Variants in PCDHA5 observed in about 807,000 individuals in gnomAD.
The protein encoded by PCDHA5 is protocadherin alpha 5, also known as protocadherin alpha-5.
In PCDHA5, 43 loss-of-function variants were observed where a neutral mutation model predicts 61.6. The ratio of observed to expected loss-of-function variants is 0.70; its 90% CI spans 0.55 to 0.90. The LOEUF (loss-of-function observed/expected upper bound fraction) is 0.90, where lower values mean the gene tolerates loss of function less well. Ranked by LOEUF, PCDHA5 falls within the 40% of genes least tolerant of loss-of-function variation. PCDHA5 has a pLI of 0.00. For missense variants in PCDHA5, 1,298 were observed against 1,222.7 expected, an observed-to-expected ratio of 1.06 and a Z score of -0.92; for synonymous variants, 627 against 543.9, an observed-to-expected ratio of 1.15 and a Z score of -2.13.
chr5:140,850,520 G>A (rs2150487404), intron 1 of PCDHA5: 1 of 1,598,300 alleles, frequency 6.3e-7, no homozygotes, highest in South Asian at 1.1e-5. Context: ...GCGGCCAGGC[G>A]CCAAAGTCAT....
At chr5:140,883,904 G>C in intron 1 of PCDHA5, 1 of 1,613,344 alleles carries the variant, frequency 6.2e-7, no homozygotes, top group Non-Finnish European at 8.5e-7. Context: ...GCCGCCTCTG[G>C]GCAGCAACGT....
chr5:140,891,568 A>G (rs1448026659), intron 1 of PCDHA5, among the ~76,000 whole-genome samples: 1 of 151,646 alleles, frequency 6.6e-6, no homozygotes, highest in Non-Finnish European at 1.5e-5. Flanking sequence ...CTCTAATTAA[A>G]CATATTTTAA....
chr5:140,877,285 G>T lies in PCDHA5; in HGVS notation c.2352+53158G>T, dbSNP rs76220347. 4.6e-3 allele frequency: 7,403 copies of T among 1,613,898 alleles called. 23 individuals carry two copies. Among genetic ancestry groups the T allele is most frequent in the Middle Eastern group, 7.1e-3 (43 of 6,038 alleles). ...GGTGGACGCTGACTCCGGCTATAAC[G>T]CTTGGCTGTCCTACGAGTTGCAACC... On this transcript the variant is annotated intron_variant, in intron 1 of 3. Coordinates refer to ENST00000529859, the MANE Select transcript of PCDHA5 (RefSeq NM_018908.3).
chr5:140,884,092 G>C, intron 1 of PCDHA5: 2 of 1,613,556 alleles, frequency 1.2e-6, no homozygotes, highest in Non-Finnish European at 1.7e-6. Context: ...CGTGGCTTTC[G>C]TATGAATTGC....
chr5:140,869,586 CAT>C, intron 1 of PCDHA5: 6 of 1,614,150 alleles, frequency 3.7e-6, no homozygotes, highest in Non-Finnish European at 5.1e-6. Flanking sequence ...CTGATGCTGA[CAT>C]TGAAGAGAAT....
chr5:140,840,155 G>C (rs2150303964), intron 1 of PCDHA5, among the ~76,000 whole-genome samples: 1 of 152,102 alleles, frequency 6.6e-6, no homozygotes, highest in East Asian at 1.9e-4. Flanking sequence ...CGTGAAAGGA[G>C]AGATGGGATG....
intron 1 of PCDHA5, chr5:140,877,603 C>G: frequency 6.2e-7 from 1 of 1,613,858 alleles, no homozygotes; most frequent in Non-Finnish European, 8.5e-7. Flanking sequence ...GTCCAGCCTG[C>G]TGGTGCTCAC....
At chr5:140,871,609 A>G (rs1554165776) in intron 1 of PCDHA5, 1 of 1,428,296 alleles carries the variant, frequency 7.0e-7, no homozygotes, top group East Asian at 2.5e-5. Flanking sequence ...TGTTTTGAAT[A>G]TTGTTTTAGA....
At chr5:140,897,175 G>A (rs1293904744) in intron 1 of PCDHA5, among the ~76,000 whole-genome samples, 3 of 151,828 alleles carry the variant, frequency 2.0e-5, no homozygotes, top group Admixed American at 6.6e-5. Flanking sequence ...ATCTCCATGG[G>A]TTCAAAAAAT....
chr5:140,846,031 G>A lies in PCDHA5; in HGVS notation c.2352+21904G>A, dbSNP rs2150383784. On this transcript the variant is annotated intron_variant, in intron 1 of 3. Coordinates refer to ENST00000529859, the MANE Select transcript of PCDHA5 (RefSeq NM_018908.3). ...AATCTAAAAGTTATTACGAGTTTAG[G>A]AAAGTCAAGTTAACACCACCTATGT... 1.1e-4 allele frequency among the ~76,000 whole-genome samples: 16 copies of A among 149,690 alleles called. 2 individuals carry two copies. The highest frequency in any genetic ancestry group is 2.4e-4 in the Non-Finnish European group (16 of 66,844).
chr5:140,886,961 C>T (rs1340952035), intron 1 of PCDHA5, among the ~76,000 whole-genome samples: 1 of 151,926 alleles, frequency 6.6e-6, no homozygotes, highest in South Asian at 2.1e-4. Context: ...CATTTAGCAA[C>T]GAAATTTATT....
intron 1 of PCDHA5, among the ~76,000 whole-genome samples, chr5:140,896,197 T>G (rs911999135): frequency 2.0e-5 from 3 of 152,280 alleles, no homozygotes; most frequent in Non-Finnish European, 2.9e-5. Flanking sequence ...AGTGCCATGA[T>G]GAACATACAC....
At chr5:140,919,217 G>T (rs1427737864) in intron 1 of PCDHA5, among the ~76,000 whole-genome samples, 1 of 152,090 alleles carries the variant, frequency 6.6e-6, no homozygotes, top group Non-Finnish European at 1.5e-5. Context: ...TGTCCTTCTT[G>T]ATTTCTAGTA....
chr5:140,961,366 C>A (rs1384222732), intron 1 of PCDHA5, among the ~76,000 whole-genome samples: 2 of 152,144 alleles, frequency 1.3e-5, no homozygotes, highest in Non-Finnish European at 2.9e-5. Context: ...CATTAGAATT[C>A]TCCTTCTAGT....
chr5:140,873,497 T>C (rs1236825837), intron 1 of PCDHA5, among the ~76,000 whole-genome samples: 1 of 152,230 alleles, frequency 6.6e-6, no homozygotes, highest in Non-Finnish European at 1.5e-5. Context: ...TGCAAAGTTG[T>C]GTCTTTTATA....
chr5:140,969,354 T>G, intron 1 of PCDHA5: 1 of 1,612,552 alleles, frequency 6.2e-7, no homozygotes. Context: ...TCAGGGGGTC[T>G]TCTACAAACT....
At chr5:140,915,069 C>T (rs2076962975) in intron 1 of PCDHA5, among the ~76,000 whole-genome samples, 2 of 151,484 alleles carry the variant, frequency 1.3e-5, no homozygotes, top group Admixed American at 6.6e-5. Flanking sequence ...CCTTAGCCTA[C>T]TGAGTAGCTG....
rs782120132 is a variant in PCDHA5, at chr5:140,884,464, C to T, written c.2352+60337C>T. On this transcript the variant is annotated intron_variant, in intron 1 of 3. Coordinates refer to ENST00000529859, the MANE Select transcript of PCDHA5 (RefSeq NM_018908.3). ...CGGCACCGCCCACCGAGGGCGCGTG[C>T]GCGCCGGGCAAGCCCACTCTAGTGT... 51 of 1,613,768 alleles carry T rather than the reference C, an allele frequency of 3.2e-5. 1 individual carries two copies. In the East Asian group the frequency reaches 9.6e-4, roughly 30 times the overall value.
At chr5:140,869,617 C>T (rs782525218) in intron 1 of PCDHA5, 3 of 1,613,828 alleles carry the variant, frequency 1.9e-6, no homozygotes, top group Non-Finnish European at 2.5e-6. Context: ...GACCTACAGG[C>T]TAAGTAAAAA....
Sources: gnomAD v4.1 joint callset for allele counts (sites outside exome capture counted in the v4.1 genomes callset) on GRCh38, gnomAD v4.1.1 for gene constraint, MANE v1.5 for transcripts, NCBI Gene and HGNC (gene_info 2026-07-23, HGNC 2026-07-21) for gene names.